SOCS5: variants seen among roughly 807,000 people sequenced by gnomAD.
SOCS5 encodes the protein CIS-6.
Under a neutral mutation model 42.8 loss-of-function variants are expected in SOCS5, and 32 were observed. That is an observed-to-expected ratio of 0.75 (90% CI 0.56 to 1.01). SOCS5 has a LOEUF of 1.01. Ranked by LOEUF, SOCS5 falls within the 50% of genes least tolerant of loss-of-function variation. The pLI, the probability that SOCS5 is intolerant of heterozygous loss-of-function variation, is 0.00. For missense variants in SOCS5, 627 were observed against 653.0 expected (o/e 0.96, Z 0.43); for synonymous variants, 283 against 229.6 (o/e 1.23, Z -2.10).
intron 1 of SOCS5, among the ~76,000 whole-genome samples, chr2:46,712,884 G>C (rs1279755855): frequency 6.6e-6 from 1 of 151,892 alleles, no homozygotes; most frequent in African/African-American, 2.4e-5. Context: ...GTTTGTTTTG[G>C]TATCAGAGTT....
chr2:46,703,051 G>A (rs1369210018), intron 1 of SOCS5, among the ~76,000 whole-genome samples: 1 of 152,122 alleles, frequency 6.6e-6, no homozygotes. Flanking sequence ...CTATTTTAAT[G>A]AGTATGTTTT....
intron 1 of SOCS5, among the ~76,000 whole-genome samples, chr2:46,712,682 G>A (rs896529450): frequency 6.6e-5 from 10 of 152,284 alleles, no homozygotes; most frequent in African/African-American, 2.4e-4. Flanking sequence ...CTATTGAGAC[G>A]CTTATGTGGT....
At chr2:46,747,021 C>A (rs770596821) in intron 1 of SOCS5, among the ~76,000 whole-genome samples, 7 of 143,372 alleles carry the variant, frequency 4.9e-5, no homozygotes. Flanking sequence ...GGTTGCTAGA[C>A]AGATTTGTTT....
At chr2:46,719,966 T>A (rs1672843348) in intron 1 of SOCS5, among the ~76,000 whole-genome samples, 1 of 152,214 alleles carries the variant, frequency 6.6e-6, no homozygotes, top group Non-Finnish European at 1.5e-5. Context: ...TTAAAAAATT[T>A]ATATTAAGAA....
rs1673808812 is a variant in SOCS5 at position 46,759,431 on chromosome 2, C to G, written c.901C>G (p.Pro301Ala). 8 of 1,613,908 alleles carry G rather than the reference C, an allele frequency of 5.0e-6. No individual in the cohort carries two copies. The highest frequency in any genetic ancestry group is 6.8e-6 in the Non-Finnish European group (8 of 1,179,852). ...GGTTAATCCATTATATAAACTGGGA[C>G]CAAAATTAGCTCCTGGAATGACTGA... ...AQVNPLYKLG[P>A]KLAPGMTEIS... Residue 301 changes from proline to alanine, a missense_variant, in exon 2 of 2, where the codon CCA becomes GCA. By Grantham distance (27) the Pro-to-Ala change is conservative. Around this residue, in one of 3 missense-constraint regions of SOCS5, gnomAD observed 340 missense variants for 367.6 expected, o/e 0.92. Coordinates refer to ENST00000394861, the MANE Select transcript of SOCS5 (RefSeq NM_144949.3).
At position 46,719,802 on chromosome 2, in the gene SOCS5, T is replaced by C. The variant is rs76522095; in HGVS notation, c.-13+20353T>C. 6.6e-5 allele frequency among the ~76,000 whole-genome samples: 10 copies of C among 152,258 alleles called. No individual in the cohort carries two copies. In the East Asian group the frequency reaches 1.9e-3, roughly 29 times the overall value. On this transcript the variant is annotated intron_variant, in intron 1 of 1. Coordinates refer to ENST00000394861, the MANE Select transcript of SOCS5 (RefSeq NM_144949.3). ...AATAGGTGTGTCCTTCAGGGAAGCA[T>C]CATTCATACCAGACCTGAAAGAAGA...
intron 1 of SOCS5, among the ~76,000 whole-genome samples, chr2:46,756,210 G>A (rs957640526): frequency 6.6e-6 from 1 of 152,280 alleles, no homozygotes; most frequent in South Asian, 2.1e-4. Context: ...TGTCAGAGAA[G>A]TATCTTTAGA....
intron 1 of SOCS5, among the ~76,000 whole-genome samples, chr2:46,736,067 G>GTC (rs983088142): frequency 1.4e-5 from 2 of 145,022 alleles, no homozygotes; most frequent in South Asian, 4.3e-4. Flanking sequence ...TTTTGAGACA[G>GTC]TCTCTCTCTC....
intron 1 of SOCS5, among the ~76,000 whole-genome samples, chr2:46,702,309 A>G (rs1672363166): frequency 6.6e-6 from 1 of 152,218 alleles, no homozygotes; most frequent in African/African-American, 2.4e-5. Context: ...CTCTTTGGTA[A>G]GGGGGTACTT....
intron 1 of SOCS5, among the ~76,000 whole-genome samples, chr2:46,723,213 G>A (rs1358527939): frequency 6.6e-6 from 1 of 151,916 alleles, no homozygotes; most frequent in African/African-American, 2.4e-5. Context: ...TCGGTGTCAT[G>A]TCTAAAAATT....
intron 1 of SOCS5, among the ~76,000 whole-genome samples, chr2:46,705,032 G>A (rs751260041): frequency 6.6e-6 from 1 of 152,200 alleles, no homozygotes; most frequent in African/African-American, 2.4e-5. Flanking sequence ...ACACCATGGG[G>A]ACAGAAGTTC....
intron 1 of SOCS5, among the ~76,000 whole-genome samples, chr2:46,744,279 C>T (rs1458521226): frequency 7.9e-5 from 12 of 152,138 alleles, no homozygotes; most frequent in Non-Finnish European, 1.5e-5. Flanking sequence ...CATGAGCCAC[C>T]ACACCCAGCC....
chr2:46,758,376 A>G, intron 1 of SOCS5, 143 bp from the exon 2 acceptor site: 1 of 628,994 alleles, frequency 1.6e-6, no homozygotes, highest in East Asian at 2.8e-5. Context: ...ACACGGCCTC[A>G]TCACTTCAGC....
At chr2:46,738,689 T>C (rs1038470995) in intron 1 of SOCS5, among the ~76,000 whole-genome samples, 5 of 152,152 alleles carry the variant, frequency 3.3e-5, no homozygotes, top group Non-Finnish European at 5.9e-5. Flanking sequence ...TGTTTATAAC[T>C]GTAAAGGTAG....
chr2:46,712,706 T>C (rs1445084464), intron 1 of SOCS5, among the ~76,000 whole-genome samples: 1 of 152,206 alleles, frequency 6.6e-6, no homozygotes, highest in Non-Finnish European at 1.5e-5. Flanking sequence ...TCTTCTTTAT[T>C]CTATTAAGAT....
intron 1 of SOCS5, among the ~76,000 whole-genome samples, chr2:46,707,605 A>G (rs1230424685): frequency 1.3e-5 from 2 of 152,240 alleles, no homozygotes; most frequent in East Asian, 1.9e-4. Context: ...AGGGTTTTGT[A>G]TGTAGCCATA....
At chr2:46,710,690 C>A (rs1361227208) in intron 1 of SOCS5, among the ~76,000 whole-genome samples, 2 of 152,142 alleles carry the variant, frequency 1.3e-5, no homozygotes, top group African/African-American at 4.8e-5. Flanking sequence ...GTTCTTTCTA[C>A]ACTAAAAAAG....
intron 1 of SOCS5, among the ~76,000 whole-genome samples, chr2:46,721,056 A>G (rs1352024282): frequency 6.6e-6 from 1 of 152,174 alleles, no homozygotes; most frequent in East Asian, 1.9e-4. Context: ...GTCAGGTGTC[A>G]TGTCTACTAC....
At chr2:46,738,475 A>C (rs1673301092) in intron 1 of SOCS5, among the ~76,000 whole-genome samples, 2 of 152,208 alleles carry the variant, frequency 1.3e-5, no homozygotes, top group Non-Finnish European at 2.9e-5. Flanking sequence ...CCTGGTAAAT[A>C]ACATTTCAAG....
Sources: allele counts gnomAD v4.1 joint callset (sites outside exome capture counted in the v4.1 genomes callset), GRCh38; gene constraint gnomAD v4.1.1; regional missense constraint gnomAD v4.1.1; transcripts MANE v1.5; gene names NCBI Gene and HGNC (gene_info 2026-07-23, HGNC 2026-07-21).